The following SARDH variants were observed in gnomAD, a reference collection of about 807,000 sequenced individuals.
SARDH encodes sarcosine dehydrogenase, mitochondrial.
A neutral mutation model predicts 109.1 loss-of-function variants in SARDH; 95 were observed. The ratio of observed to expected loss-of-function variants is 0.87; its 90% CI spans 0.74 to 1.03. SARDH has a LOEUF of 1.03. SARDH is among the 50% of genes least tolerant of loss of function. The probability of loss-of-function intolerance (pLI) is 0.00; values close to 1 mark genes in which losing one functional copy is unlikely to be tolerated. For missense variants in SARDH, 1,267 were observed against 1,287.8 expected (o/e 0.98, Z 0.25); for synonymous variants, 572 against 534.8 (o/e 1.07, Z -0.96).
intron 3 of SARDH, 57 bp from the exon 4 acceptor site, chr9:133,731,541 T>C: frequency 6.4e-7 from 1 of 1,560,164 alleles, no homozygotes; most frequent in Non-Finnish European, 8.8e-7. Context: ...CCTGGGCCAC[T>C]CCCCTCCCCA....
At chr9:133,668,022 A>G (rs73662179) in intron 19 of SARDH, among the ~76,000 whole-genome samples, 2,105 of 152,100 alleles carry the variant, frequency 0.014, 67 homozygotes, top group African/African-American at 0.048. Context: ...CCCTGAGCAG[A>G]GCGCACTGGG....
intron 1 of SARDH, among the ~76,000 whole-genome samples, chr9:133,737,969 GAC>G (rs1832938953): frequency 2.0e-5 from 3 of 152,194 alleles, no homozygotes; most frequent in Admixed American, 2.0e-4. Context: ...CAAAGCAGAG[GAC>G]CCAGGAACGC....
intron 17 of SARDH, 61 bp downstream of exon 17, chr9:133,685,132 G>T: frequency 1.4e-6 from 2 of 1,451,310 alleles, no homozygotes. Flanking sequence ...AGATCCCCCG[G>T]CGCACCCCTC....
In SARDH at chr9:133,690,581, G is replaced by A. The variant is rs563505024; in HGVS notation, c.1922-54C>T. On this transcript the variant is annotated intron_variant, in intron 15 of 20. Coordinates refer to ENST00000439388, the MANE Select transcript of SARDH (RefSeq NM_001134707.2). ...AGGATTTCAGGGCCTGGGAGGTGGG[G>A]ACAGAGAGGGTGGCCCAAGGGTCTC... 5.1e-6 allele frequency: 8 copies of A among 1,570,918 alleles called. No individual in the cohort carries two copies. In the African/African-American group the frequency reaches 8.1e-5, roughly 16 times the overall value.
intron 14 of SARDH, among the ~76,000 whole-genome samples, chr9:133,696,007 G>A (rs1005403411): frequency 5.9e-5 from 9 of 152,038 alleles, no homozygotes; most frequent in Non-Finnish European, 1.5e-5. Context: ...GGAGGAGAAG[G>A]AAGGCAGGAG....
At chr9:133,679,852 C>T (rs1564243388) in intron 17 of SARDH, among the ~76,000 whole-genome samples, 1 of 152,176 alleles carries the variant, frequency 6.6e-6, no homozygotes, top group South Asian at 2.1e-4. Context: ...GGCAGGCGCC[C>T]GCTCTCGCAC....
In SARDH at chr9:133,671,588, T is replaced by G. The variant is rs767080218; in HGVS notation, c.2273A>C (p.His758Pro). Residue 758 changes from histidine (H) to proline (P), a missense_variant, in exon 18 of 21, where the codon CAC becomes CCC. His to Pro is a moderately conservative substitution (Grantham distance 77). Transcript: ENST00000439388. ...GCGGTACCCTGCGTTGATGAGGCCGTGCTTGGCACCCGCGGCCATCACAGC... is the reference window on the plus strand; with the variant it reads ...GCGGTACCCTGCGTTGATGAGGCCGGGCTTGGCACCCGCGGCCATCACAGC... ...YRAVMAAGAKHGLINAGYRAI... is the reference protein window; with the variant it reads ...YRAVMAAGAKPGLINAGYRAI... The G allele has an allele frequency of 6.2e-7, 1 of 1,607,296 alleles. No homozygotes were observed. The highest frequency in any genetic ancestry group is 1.3e-5 in the African/African-American group (1 of 74,760).
intron 16 of SARDH, among the ~76,000 whole-genome samples, chr9:133,688,678 A>C (rs1830976042): frequency 6.6e-6 from 1 of 152,198 alleles, no homozygotes; most frequent in Non-Finnish European, 1.5e-5. Context: ...TCCCAGCCTC[A>C]ATGCGTGCCT....
In SARDH at chr9:133,729,777, G is replaced by C; in HGVS notation, c.903C>G (p.Ile301Met). Reference protein sequence around the residue: ...MHHAYVVTERIEGIQNMPNVR... With the variant: ...MHHAYVVTERMEGIQNMPNVR... Reference sequence around the variant, plus strand: ...GCTGTCCACCTACCTGAATCCCCTCGATGCGCTCGGTGACGACATAGGCAT... The same window carrying C: ...GCTGTCCACCTACCTGAATCCCCTCCATGCGCTCGGTGACGACATAGGCAT... Residue 301 changes from isoleucine to methionine, a missense_variant, in exon 6 of 21, where the codon ATC becomes ATG. By Grantham distance (10) the Ile-to-Met change is conservative (BLOSUM62 1). Transcript: ENST00000439388. The C allele has an allele frequency of 1.2e-6, 2 of 1,612,756 alleles. No homozygotes were observed. Among genetic ancestry groups the C allele is most frequent in the Non-Finnish European group, 1.7e-6 (2 of 1,179,888 alleles).
intron 6 of SARDH, among the ~76,000 whole-genome samples, chr9:133,727,083 T>C (rs1832518395): frequency 6.6e-6 from 1 of 152,144 alleles, no homozygotes. Context: ...AGCCGCTCCT[T>C]GCCACTGCAA....
At chr9:133,660,514 C>T (rs1832399164), downstream of SARDH, among the ~76,000 whole-genome samples, 1 of 152,166 alleles carries the variant, frequency 6.6e-6, no homozygotes, top group South Asian at 2.1e-4. Flanking sequence ...ACCTACATGC[C>T]CCAAGCCAAA....
At chr9:133,734,281 G>A in intron 1 of SARDH, 78 bp from the exon 2 acceptor site, 3 of 997,542 alleles carry the variant, frequency 3.0e-6, no homozygotes, top group Non-Finnish European at 4.2e-6. Flanking sequence ...GGAAATAAGG[G>A]CCCTATGGTG....
At chr9:133,695,723 G>A (rs961008287) in intron 14 of SARDH, among the ~76,000 whole-genome samples, 23 of 136,880 alleles carry the variant, frequency 1.7e-4, no homozygotes, top group African/African-American at 6.4e-4. Context: ...GGGGACGCAT[G>A]AGCTGTTGGG....
Position 133,718,881 on chromosome 9 carries a change from C to T in SARDH, c.1020+57G>A. On this transcript the variant is annotated intron_variant, in intron 7 of 20. Transcript: ENST00000439388. The surrounding 1 kb of genome is among the most constrained non-coding windows in gnomAD (Gnocchi z 4.2). ...ATGGACTTCCTGAAAGAGGCCCTCT[C>T]CATGCTGAGATGCAGCCCCAACTCC... The T allele has an allele frequency of 1.5e-6, 2 of 1,345,148 alleles. No homozygotes were observed. Among genetic ancestry groups the T allele is most frequent in the African/African-American group, 1.4e-5 (1 of 69,448 alleles). 83.3% of individuals were successfully genotyped at this position (1,345,148 alleles called of 1,614,324 possible). A position where few individuals can be genotyped will look rare whatever the true frequency, so the allele number is the denominator to read the frequency against.
intron 6 of SARDH, among the ~76,000 whole-genome samples, chr9:133,726,327 C>T (rs1183261264): frequency 7.9e-6 from 1 of 127,296 alleles, no homozygotes; most frequent in East Asian, 2.2e-4. Flanking sequence ...ATGATCATGC[C>T]ACTGCACTCC....
At chr9:133,721,307 C>G (rs1721385017) in intron 6 of SARDH, among the ~76,000 whole-genome samples, 1 of 152,226 alleles carries the variant, frequency 6.6e-6, no homozygotes, top group Admixed American at 6.5e-5. Flanking sequence ...AGACATGGAG[C>G]AAACTCTTCA....
intron 8 of SARDH, 75 bp downstream of exon 8, chr9:133,717,251 C>T (rs988206906): frequency 8.3e-6 from 13 of 1,564,994 alleles, no homozygotes; most frequent in African/African-American, 4.1e-5. Context: ...GCTGGTCTCA[C>T]GGGGCATCAC....
At position 133,732,511 on chromosome 9, in the gene SARDH, G is replaced by A. The variant is rs534554278; in HGVS notation, c.422C>T (p.Thr141Met). The A allele has an allele frequency of 2.5e-6, 4 of 1,613,716 alleles. No homozygotes were observed. Among genetic ancestry groups the A allele is most frequent in the African/African-American group, 2.7e-5 (2 of 74,934 alleles). The change falls in exon 3 of 21, where the codon ACG becomes ATG. Residue 141 changes from threonine (T) to methionine (M), a missense_variant. Coordinates refer to ENST00000439388, the MANE Select transcript of SARDH (RefSeq NM_001134707.2). ...RVVSRELEEE[T>M]GLHTGWIQNG... ...CTGGATCCAGCCCGTGTGTAGTCCC[G>A]TCTCCTCCTCCAGCTCCCGGCTCAC...
At position 133,732,556 on chromosome 9, in the gene SARDH, A is replaced by G. The variant is rs749343607; in HGVS notation, c.377T>C (p.Leu126Pro). 4 of 1,613,306 alleles carry G rather than the reference A, an allele frequency of 2.5e-6. No homozygotes were observed. The highest frequency in any genetic ancestry group is 3.4e-6 in the Non-Finnish European group (4 of 1,179,706). Residue 126 changes from leucine (L) to proline (P), a missense_variant, in exon 3 of 21, where the codon CTG becomes CCG. Leu to Pro is a moderately conservative substitution (Grantham distance 98, BLOSUM62 -3). Coordinates refer to ENST00000439388, the MANE Select transcript of SARDH (RefSeq NM_001134707.2). ...GCTCACCACCCGCCGAGTGTGGGCC[A>G]GAAGCTCCACCTCCACGTCACTGGG... is the stretch of plus-strand genomic sequence containing the variant. ...LRPSDVEVEL[L>P]AHTRRVVSRE... is the part of the protein sequence containing the mutation.
Sources: allele counts gnomAD v4.1 joint callset (sites outside exome capture counted in the v4.1 genomes callset), GRCh38; gene constraint gnomAD v4.1.1; non-coding constraint Gnocchi (gnomAD v3.1); transcripts MANE v1.5; gene names NCBI Gene and HGNC (gene_info 2026-07-23, HGNC 2026-07-21).